Variants in FCRL5 observed in about 807,000 individuals in gnomAD.
FCRL5 encodes Fc receptor like 5, also known as Fc receptor-like protein 5.
Under a neutral mutation model 92.1 loss-of-function variants are expected in FCRL5, and 79 were observed. The observed-to-expected ratio is 0.86, with a 90% CI of 0.72 to 1.03. The LOEUF (loss-of-function observed/expected upper bound fraction) is 1.03. Ranked by LOEUF, FCRL5 falls within the 50% of genes least tolerant of loss-of-function variation. The probability of loss-of-function intolerance (pLI) is 0.00; values close to 1 mark genes in which losing one functional copy is unlikely to be tolerated. For synonymous variants in FCRL5, 466 were observed against 469.3 expected, an observed-to-expected ratio of 0.99 and a Z score of 0.09; for missense variants, 1,160 against 1,181.1, an observed-to-expected ratio of 0.98 and a Z score of 0.26.
chr1:157,536,594 C>G (rs1007620167), intron 7 of FCRL5, among the ~76,000 whole-genome samples: 8 of 152,252 alleles, frequency 5.3e-5, no homozygotes, highest in African/African-American at 1.9e-4. Context: ...GGCCCAAGCC[C>G]TTACTCTGCT....
chr1:157,526,944 G>A (rs980409923), intron 9 of FCRL5, among the ~76,000 whole-genome samples: 6 of 152,098 alleles, frequency 3.9e-5, no homozygotes, highest in Non-Finnish European at 8.8e-5. Flanking sequence ...GGTGTTAAGG[G>A]GATTATACAT....
At chr1:157,531,750 T>A (rs1352479498) in intron 8 of FCRL5, among the ~76,000 whole-genome samples, 1 of 152,268 alleles carries the variant, frequency 6.6e-6, no homozygotes, top group East Asian at 1.9e-4. Flanking sequence ...ATTTCACTCA[T>A]ATTTTGAATC....
intron 6 of FCRL5, 136 bp downstream of exon 6, chr1:157,542,723 G>A (rs974780225): frequency 6.1e-5 from 65 of 1,067,846 alleles, no homozygotes; most frequent in African/African-American, 1.7e-4. Context: ...TCAGTGAGCC[G>A]GAGAGTGGAG....
At chr1:157,517,646 C>A (rs1157556858) in intron 15 of FCRL5, among the ~76,000 whole-genome samples, 3 of 152,164 alleles carry the variant, frequency 2.0e-5, no homozygotes, top group African/African-American at 7.2e-5. Context: ...CCTGCCAACA[C>A]CATGATTTTA....
chr1:157,536,130 C>T (rs1055857495), intron 7 of FCRL5, among the ~76,000 whole-genome samples: 1 of 151,806 alleles, frequency 6.6e-6, no homozygotes, highest in African/African-American at 2.4e-5. Context: ...TTAGTAGACA[C>T]AGGATTTCAC....
chr1:157,530,879 C>T (rs1165979964), intron 8 of FCRL5, among the ~76,000 whole-genome samples: 1 of 152,140 alleles, frequency 6.6e-6, no homozygotes, highest in African/African-American at 2.4e-5. Flanking sequence ...AGTATACAAA[C>T]ATTTTAAGTA....
At chr1:157,549,031 A>G (rs1174643309) in intron 2 of FCRL5, among the ~76,000 whole-genome samples, 1 of 152,156 alleles carries the variant, frequency 6.6e-6, no homozygotes, top group Non-Finnish European at 1.5e-5. Flanking sequence ...ACTTGGAACC[A>G]ACCCAAATGT....
chr1:157,520,340 C>A (rs1650118699), intron 12 of FCRL5, 91 bp downstream of exon 12: 3 of 889,986 alleles, frequency 3.4e-6, no homozygotes, highest in Non-Finnish European at 5.4e-6. Flanking sequence ...CTCTTGCGAG[C>A]CTGGGATGGT....
At chr1:157,543,243 C>A (rs1397448226) in intron 5 of FCRL5, 106 bp from the exon 6 acceptor site, 1 of 1,135,452 alleles carries the variant, frequency 8.8e-7, no homozygotes, top group Admixed American at 2.3e-5. Flanking sequence ...CCTTAACTTG[C>A]TGCCATCAGA....
chr1:157,552,428 A>T lies in FCRL5; in HGVS notation c.-66T>A. 6.4e-7 allele frequency: 1 copy of T among 1,556,254 alleles called. No individual in the cohort carries two copies. Among genetic ancestry groups the T allele is most frequent in the Non-Finnish European group, 8.9e-7 (1 of 1,127,620 alleles). ...TTCCTCAATTCCAAAACAGGTTTGGACTTGATCTTACAGTCAGGACACTGC... is the reference window on the plus strand; with the variant it reads ...TTCCTCAATTCCAAAACAGGTTTGGTCTTGATCTTACAGTCAGGACACTGC... On this transcript the variant is annotated 5_prime_UTR_variant, in exon 1 of 17. Coordinates refer to ENST00000361835, the MANE Select transcript of FCRL5 (RefSeq NM_031281.3).
intron 10 of FCRL5, chr1:157,522,481 A>T (rs1206920750): frequency 2.0e-5 from 3 of 152,208 alleles, no homozygotes; most frequent in African/African-American, 7.2e-5. Flanking sequence ...TTTTCCGCAA[A>T]TAGGGGATAC....
chr1:157,518,688 C>A lies in FCRL5; in HGVS notation c.2743+12G>T. On this transcript the variant is annotated intron_variant, in intron 14 of 16. Coordinates refer to ENST00000361835, the MANE Select transcript of FCRL5 (RefSeq NM_031281.3). ...TCCAGCTTCTGCCAAATGCAGGATC[C>A]TCGGGCCTCACCATTAGTGTACACT... 1 of 1,607,392 alleles carries A rather than the reference C, an allele frequency of 6.2e-7. No homozygotes were observed. Among genetic ancestry groups the A allele is most frequent in the East Asian group, 2.2e-5 (1 of 44,852 alleles).
Position 157,549,508 on chromosome 1 carries a change from A to T in FCRL5, c.52+52T>A, listed in dbSNP as rs376450045. 50 of 1,550,980 alleles carry T rather than the reference A, an allele frequency of 3.2e-5. No homozygotes were observed. In the African/African-American group the frequency reaches 6.6e-4, roughly 20 times the overall value. On this transcript the variant is annotated intron_variant, in intron 2 of 16. Transcript: ENST00000361835. ...TCACAAATGTTTTCTATTTATTAGG[A>T]AGAGACACTCTTAACCAGAGACGCT...
In FCRL5 at chr1:157,544,449, C is replaced by T; in HGVS notation, c.657G>A (p.Arg219=). 6.2e-7 allele frequency: 1 copy of T among 1,614,210 alleles called. No individual in the cohort carries two copies. Among genetic ancestry groups the T allele is most frequent in the Non-Finnish European group, 8.5e-7 (1 of 1,180,038 alleles). ...LTCETQLSLE[R]SDVPLRFRFF... is the part of the protein sequence containing the mutation. ...AGCGGAACCGGAGCGGGACATCTGA[C>T]CTCTCTAGAGAGAGCTGGGTCTCAC... is the stretch of plus-strand genomic sequence containing the variant. The change falls in exon 5 of 17, where the codon AGG becomes AGA. Residue 219 remains arginine (R), a synonymous_variant. Coordinates refer to ENST00000361835, the MANE Select transcript of FCRL5 (RefSeq NM_031281.3).
chr1:157,517,976 A>T lies in FCRL5; in HGVS notation c.2812+453T>A, dbSNP rs533075700. Among the ~76,000 whole-genome samples, 4 of 152,190 alleles carry T rather than the reference A, an allele frequency of 2.6e-5. No homozygotes were observed. The East Asian group carries it at 7.7e-4, about 29-fold the overall frequency. Reference sequence around the variant, plus strand: ...ATACAGCAAGGAGTCATCTGTCTGGAAAATGGGAATAGGGCCCTCACTAAG... The same window carrying T: ...ATACAGCAAGGAGTCATCTGTCTGGTAAATGGGAATAGGGCCCTCACTAAG... On this transcript the variant is annotated intron_variant, in intron 15 of 16. Transcript: ENST00000361835.
At chr1:157,521,446 G>T in intron 10 of FCRL5, 154 bp from the exon 11 acceptor site, 2 of 867,788 alleles carry the variant, frequency 2.3e-6, no homozygotes, top group South Asian at 2.4e-5. Flanking sequence ...CCTGCTAATA[G>T]TTTTCAGTGT....
Position 157,518,709 on chromosome 1 carries a change from AC to A in FCRL5, c.2733del (p.Tyr912ThrfsTer91), listed in dbSNP as rs1558125629. The A allele has an allele frequency of 6.2e-7, 1 of 1,612,734 alleles. No individual in the cohort carries two copies. Among genetic ancestry groups the A allele is most frequent in the Admixed American group, 1.7e-5 (1 of 59,886 alleles). Reference sequence around the variant, plus strand: ...GATCCTCGGGCCTCACCATTAGTGTACACTGGTTGCAGCTCTTCCCAGGCTG... The same window carrying A: ...GATCCTCGGGCCTCACCATTAGTGTAACTGGTTGCAGCTCTTCCCAGGCTG... ...NVPAWEELQP[V>X]YTNANPRGEN... On this transcript the variant is annotated frameshift_variant, in exon 14 of 17. Transcript: ENST00000361835. LOFTEE classifies it high-confidence loss of function.
Position 157,524,386 on chromosome 1 carries a change from G to T in FCRL5, c.2132C>A (p.Ala711Asp). 1 of 1,614,144 alleles carries T rather than the reference G, an allele frequency of 6.2e-7. No homozygotes were observed. Among genetic ancestry groups the T allele is most frequent in the Non-Finnish European group, 8.5e-7 (1 of 1,179,962 alleles). ...TGTAGTCAGAGAGAGGTTGAAGGAGGCCCCTCCTCCAGAGGGGGCTGAGAT... is the reference window on the plus strand; with the variant it reads ...TGTAGTCAGAGAGAGGTTGAAGGAGTCCCCTCCTCCAGAGGGGGCTGAGAT... ...GKISAPSGGG[A>D]SFNLSLTTEH... The change falls in exon 10 of 17, where the codon GCC (alanine) becomes GAC (aspartate). Residue 711 changes from alanine (A) to aspartate (D), a missense_variant. Ala to Asp is a moderately radical substitution (Grantham distance 126, BLOSUM62 -2). Transcript: ENST00000361835.
At position 157,552,321 on chromosome 1, in the gene FCRL5, CT is replaced by C. The variant is rs1558145983; in HGVS notation, c.31+10del. On this transcript the variant is annotated intron_variant, in intron 1 of 16. Coordinates refer to ENST00000361835, the MANE Select transcript of FCRL5 (RefSeq NM_031281.3). ...TCCCACCCAGGGCCCATGGTGAGCC[CT>C]TTTACTCACCCAGGACCAGTAATAT... 1 of 1,613,852 alleles carries C rather than the reference CT, an allele frequency of 6.2e-7. No homozygotes were observed. The highest frequency in any genetic ancestry group is 1.7e-5 in the Admixed American group (1 of 60,002).
Sources: gnomAD v4.1 joint callset for allele counts (sites outside exome capture counted in the v4.1 genomes callset) on GRCh38, gnomAD v4.1.1 for gene constraint, MANE v1.5 for transcripts, NCBI Gene and HGNC (gene_info 2026-07-23, HGNC 2026-07-21) for gene names.